The following CNTNAP4 variants were observed in gnomAD, a reference collection of about 807,000 sequenced individuals.
CNTNAP4 encodes contactin-associated protein-like 4.
CNTNAP4 carries 98 observed loss-of-function variants against 148.4 expected under a neutral mutation model. The observed-to-expected ratio is 0.66, with a 90% CI of 0.56 to 0.78. The LOEUF is 0.78. Among genes scored for constraint, CNTNAP4 ranks in the 30% least tolerant of loss-of-function variants. CNTNAP4 has a pLI of 0.00. For missense variants in CNTNAP4, 1,935 were observed against 1,565.6 expected, an observed-to-expected ratio of 1.24 and a Z score of -3.98; for synonymous variants, 730 against 565.1, an observed-to-expected ratio of 1.29 and a Z score of -4.14.
intron 8 of CNTNAP4, among the ~76,000 whole-genome samples, chr16:76,461,346 A>C (rs908814549): frequency 5.9e-5 from 9 of 152,320 alleles, no homozygotes; most frequent in Non-Finnish European, 1.3e-4. Context: ...AAATGACTGA[A>C]AACACCCCTT....
intron 2 of CNTNAP4, among the ~76,000 whole-genome samples, chr16:76,323,935 C>G (rs1962698268): frequency 6.6e-6 from 1 of 152,090 alleles, no homozygotes; most frequent in Non-Finnish European, 1.5e-5. Context: ...TTTTTTTACC[C>G]CCTGGGTAGA....
rs144979777 is a variant in CNTNAP4, at chr16:76,523,679, C to T, written c.2755+1422C>T. Among the ~76,000 whole-genome samples, 184 of 152,268 alleles carry T rather than the reference C, an allele frequency of 1.2e-3. 1 individual carries two copies. The highest frequency in any genetic ancestry group is 4.3e-3 in the African/African-American group (177 of 41,566). ...GGCCAGGCATGATGTAGTCCTAGCA[C>T]TTTTGGAGACCAAGGTAGGAAGATT... On this transcript the variant is annotated intron_variant, in intron 17 of 23. Transcript: ENST00000611870.
intron 2 of CNTNAP4, among the ~76,000 whole-genome samples, chr16:76,323,740 A>G (rs754744873): frequency 5.9e-5 from 9 of 151,984 alleles, no homozygotes; most frequent in Non-Finnish European, 1.2e-4. Context: ...TGCGTTTTCC[A>G]TCTTACCCTT....
chr16:76,288,536 C>T (rs905114427), intron 1 of CNTNAP4, among the ~76,000 whole-genome samples: 1 of 152,196 alleles, frequency 6.6e-6, no homozygotes, highest in African/African-American at 2.4e-5. Context: ...TCCATGGAGT[C>T]TCACCACCTC....
chr16:76,374,198 C>T (rs1001893076), intron 3 of CNTNAP4, among the ~76,000 whole-genome samples: 2 of 152,080 alleles, frequency 1.3e-5, no homozygotes, highest in South Asian at 2.1e-4. Context: ...ATTGCTGGAG[C>T]AGTGAAAAGA....
chr16:76,399,134 A>G (rs1235826534), intron 3 of CNTNAP4, among the ~76,000 whole-genome samples: 1 of 152,102 alleles, frequency 6.6e-6, no homozygotes, highest in African/African-American at 2.4e-5. Context: ...CTCCCCAGCC[A>G]TGTGGAACTG....
intron 3 of CNTNAP4, among the ~76,000 whole-genome samples, chr16:76,401,833 A>G (rs1488733673): frequency 6.6e-6 from 1 of 152,154 alleles, no homozygotes; most frequent in Non-Finnish European, 1.5e-5. Flanking sequence ...TGTTTATGCG[A>G]TGAATCACAC....
chr16:76,474,996 A>G (rs977311215), intron 10 of CNTNAP4, among the ~76,000 whole-genome samples: 19 of 152,138 alleles, frequency 1.2e-4, no homozygotes, highest in African/African-American at 4.6e-4. Flanking sequence ...AAGACTTGAA[A>G]CCAGATCAGA....
intron 9 of CNTNAP4, among the ~76,000 whole-genome samples, chr16:76,466,471 A>G (rs1423510806): frequency 1.3e-5 from 2 of 152,152 alleles, no homozygotes; most frequent in African/African-American, 4.8e-5. Flanking sequence ...TCATGGTGTG[A>G]TTATTTCACT....
intron 17 of CNTNAP4, among the ~76,000 whole-genome samples, chr16:76,525,779 A>G (rs1235123312): frequency 1.4e-5 from 2 of 147,198 alleles, no homozygotes; most frequent in South Asian, 2.1e-4. Flanking sequence ...TATAAGCTAT[A>G]TAGTTAAACT....
chr16:76,379,265 T>C (rs981072580), intron 3 of CNTNAP4, among the ~76,000 whole-genome samples: 1 of 152,136 alleles, frequency 6.6e-6, no homozygotes, highest in African/African-American at 2.4e-5. Context: ...TATAGAAGCA[T>C]GTCAGGGAAG....
chr16:76,408,653 A>G (rs2144897736), intron 3 of CNTNAP4, among the ~76,000 whole-genome samples: 1 of 152,222 alleles, frequency 6.6e-6, no homozygotes, highest in Admixed American at 6.6e-5. Flanking sequence ...TTAAAATAGA[A>G]TCTAAAGAAG....
At chr16:76,419,844 G>T (rs2079117022) in intron 3 of CNTNAP4, among the ~76,000 whole-genome samples, 1 of 152,122 alleles carries the variant, frequency 6.6e-6, no homozygotes, top group African/African-American at 2.4e-5. Flanking sequence ...TCTCTGCTGT[G>T]TCTGCACCTG....
chr16:76,475,341 C>G (rs1209396997), intron 10 of CNTNAP4, among the ~76,000 whole-genome samples: 2 of 152,184 alleles, frequency 1.3e-5, no homozygotes, highest in Admixed American at 6.5e-5. Flanking sequence ...CTACCTCAAG[C>G]TAGTTAGTCA....
At chr16:76,363,610 C>T (rs1257966289) in intron 3 of CNTNAP4, among the ~76,000 whole-genome samples, 1 of 151,852 alleles carries the variant, frequency 6.6e-6, no homozygotes, top group African/African-American at 2.4e-5. Flanking sequence ...TTAAATATAC[C>T]AAAAGCACAG....
In CNTNAP4 at chr16:76,460,773, A is replaced by AAAAAAAAAAAATATATATATATAT; in HGVS notation, c.1334-1182_1334-1181insAAAAAAAAAATATATATATATATA. Among the ~76,000 whole-genome samples the AAAAAAAAAAAATATATATATATAT allele has an allele frequency of 1.4e-4, 8 of 57,314 alleles. 1 individual carries two copies. The Admixed American group carries it at 1.7e-3, about 12-fold the overall frequency. The allele number at this position is 57,314 out of a possible 152,430, so 37.6% of individuals were successfully genotyped here. On this transcript the variant is annotated intron_variant, in intron 8 of 23. Transcript: ENST00000611870. ...TGTCTCAAAAAAAAAAAAAAAAAAA[A>AAAAAAAAAAAATATATATATATAT]ATATATATATATATATATATATTTA...
At chr16:76,318,281 C>G (rs750344532) in intron 2 of CNTNAP4, among the ~76,000 whole-genome samples, 12 of 152,214 alleles carry the variant, frequency 7.9e-5, no homozygotes, top group Non-Finnish European at 1.2e-4. Flanking sequence ...ACATTTTAAT[C>G]TACCTATTTA....
intron 21 of CNTNAP4, among the ~76,000 whole-genome samples, chr16:76,549,589 C>T (rs919078931): frequency 1.3e-5 from 2 of 152,052 alleles, no homozygotes; most frequent in African/African-American, 4.8e-5. Context: ...CAGACAACAA[C>T]ATGAATGAGG....
intron 3 of CNTNAP4, among the ~76,000 whole-genome samples, chr16:76,374,826 T>A (rs1188325495): frequency 2.0e-5 from 3 of 151,280 alleles, no homozygotes; most frequent in Non-Finnish European, 4.4e-5. Flanking sequence ...TTGAGTGCAA[T>A]GGCTCAATCT....
Sources: gnomAD v4.1 joint callset for allele counts (sites outside exome capture counted in the v4.1 genomes callset) on GRCh38, gnomAD v4.1.1 for gene constraint, MANE v1.5 for transcripts, NCBI Gene and HGNC (gene_info 2026-07-23, HGNC 2026-07-21) for gene names.